CACNA1C: variants seen among roughly 807,000 people sequenced by gnomAD.
CACNA1C encodes the protein voltage-dependent L-type calcium channel subunit alpha-1C.
Under a neutral mutation model 229.0 loss-of-function variants are expected in CACNA1C, and 30 were observed. The ratio of observed to expected loss-of-function variants is 0.13; its 90% CI spans 0.10 to 0.18. CACNA1C has a LOEUF of 0.18. CACNA1C is among the 10% of genes least tolerant of loss of function. CACNA1C has a pLI of 1.00. For missense variants in CACNA1C, 1,658 were observed against 2,845.0 expected (o/e 0.58, Z 9.49); for synonymous variants, 1,114 against 1,132.5 (o/e 0.98, Z 0.33).
chr12:2,383,479 A>G (rs2098304153), intron 3 of CACNA1C, among the ~76,000 whole-genome samples: 1 of 152,164 alleles, frequency 6.6e-6, no homozygotes. Flanking sequence ...CGGTTGAGCG[A>G]GGGGTCAGCT....
intron 30 of CACNA1C, among the ~76,000 whole-genome samples, chr12:2,645,779 C>T (rs2094291682): frequency 6.6e-6 from 1 of 152,218 alleles, no homozygotes; most frequent in Non-Finnish European, 1.5e-5. Context: ...TTGTAAACAG[C>T]TCCTCATGTG....
intron 3 of CACNA1C, among the ~76,000 whole-genome samples, chr12:2,345,715 G>A (rs1339663296): frequency 2.0e-5 from 3 of 152,134 alleles, no homozygotes; most frequent in East Asian, 3.9e-4. Context: ...TCTGCAGGTT[G>A]ATCTAGGCTG....
At chr12:2,456,754 G>C (rs758230) in intron 4 of CACNA1C, among the ~76,000 whole-genome samples, 1 of 151,878 alleles carries the variant, frequency 6.6e-6, no homozygotes, top group African/African-American at 2.4e-5. Context: ...GCCCCTCCCC[G>C]CTCCTCCTCC....
In CACNA1C at chr12:2,493,159, C is replaced by T. The variant is rs1018333545; in HGVS notation, c.917-31C>T. 1 of 1,592,622 alleles carries T rather than the reference C, an allele frequency of 6.3e-7. No individual in the cohort carries two copies. The highest frequency in any genetic ancestry group is 1.7e-5 in the Admixed American group (1 of 59,828). On this transcript the variant is annotated intron_variant, in intron 6 of 46. Transcript: ENST00000399655. This position sits in a 1 kb window ranked among gnomAD's most constrained non-coding sequence, Gnocchi z 4.6. ...CCCACATCTCTCCCTCCCTGCTGCT[C>T]CCGTCTCCTGTCTTCTTCTGGCCAT...
At chr12:2,311,130 C>T (rs959460866) in intron 3 of CACNA1C, among the ~76,000 whole-genome samples, 10 of 152,176 alleles carry the variant, frequency 6.6e-5, no homozygotes, top group African/African-American at 2.4e-4. Flanking sequence ...GCTTTCCTGA[C>T]GTCAGTAGTT....
chr12:2,423,019 T>A (rs919368211), intron 3 of CACNA1C, among the ~76,000 whole-genome samples: 1 of 152,182 alleles, frequency 6.6e-6, no homozygotes, highest in African/African-American at 2.4e-5. Flanking sequence ...AATCTCGTCC[T>A]CCATCGAGGA....
At chr12:2,596,206 A>C in intron 20 of CACNA1C, 7 of 474,288 alleles carry the variant, frequency 1.5e-5, no homozygotes, top group Admixed American at 7.9e-5. Context: ...ATGTACCCAA[A>C]TGCTCAGGCT....
chr12:2,681,072 C>CA (rs2097123052), intron 42 of CACNA1C, among the ~76,000 whole-genome samples: 1 of 152,178 alleles, frequency 6.6e-6, no homozygotes, highest in African/African-American at 2.4e-5. Context: ...ACTGGGTCCC[C>CA]ATACCCCCTT....
Position 2,113,304 on chromosome 12 carries a change from C to T in CACNA1C, c.50-1920C>T, listed in dbSNP as rs546924796. ...TGCTCTTCACAGGTTCCTGTGGGGA[C>T]GGGGTGGAGGTGGGGGTGATAGGTT... On this transcript the variant is annotated intron_variant, in intron 1 of 46. Transcript: ENST00000399655. Among the ~76,000 whole-genome samples, 17 of 152,052 alleles carry T rather than the reference C, an allele frequency of 1.1e-4. No homozygotes were observed. In the East Asian group the frequency reaches 2.5e-3, roughly 22 times the overall value.
chr12:2,369,842 G>A (rs937394493), intron 3 of CACNA1C, among the ~76,000 whole-genome samples: 1 of 152,170 alleles, frequency 6.6e-6, no homozygotes, highest in Non-Finnish European at 1.5e-5. Context: ...TTATAAACAT[G>A]AAAGTAATGG....
At chr12:2,209,858 G>C (rs933042883) in intron 3 of CACNA1C, among the ~76,000 whole-genome samples, 1 of 152,126 alleles carries the variant, frequency 6.6e-6, no homozygotes, top group Non-Finnish European at 1.5e-5. Context: ...AAAATCAGAA[G>C]GTTTAAGATA....
chr12:2,583,004 C>A, intron 15 of CACNA1C, 62 bp downstream of exon 15: 2 of 1,258,528 alleles, frequency 1.6e-6, no homozygotes, highest in Non-Finnish European at 2.3e-6. Flanking sequence ...AGCACAGTGC[C>A]AAACGGGCAC....
chr12:2,207,834 AC>A (rs1381024179), intron 3 of CACNA1C, among the ~76,000 whole-genome samples: 2 of 129,734 alleles, frequency 1.5e-5, no homozygotes, highest in East Asian at 4.6e-4. Flanking sequence ...AACAAAACAA[AC>A]AAAAAAAACC....
chr12:2,610,419 G>A (rs1162406844), intron 27 of CACNA1C, 122 bp from the exon 28 acceptor site: 2 of 981,216 alleles, frequency 2.0e-6, no homozygotes, highest in Non-Finnish European at 3.0e-6. Context: ...TGATTTCTCA[G>A]ACTTCCGGAG....
intron 3 of CACNA1C, among the ~76,000 whole-genome samples, chr12:2,201,448 G>T (rs117222543): frequency 2.0e-5 from 3 of 152,148 alleles, no homozygotes; most frequent in Non-Finnish European, 4.4e-5. Flanking sequence ...CTTAGGAGTC[G>T]CATGTCCATA....
intron 1 of CACNA1C, among the ~76,000 whole-genome samples, chr12:2,076,641 C>G (rs1313479945): frequency 6.6e-6 from 1 of 152,136 alleles, no homozygotes; most frequent in African/African-American, 2.4e-5. Flanking sequence ...TCTCTAGTAC[C>G]CTGTATTTTT....
chr12:2,641,652 A>T lies in CACNA1C; in HGVS notation c.3913-6823A>T, dbSNP rs147685015. ...AAAATGAAGTGATTCCAGCACAGTC[A>T]TTCATGCTGGGTGGTAGCAACTCAG... On this transcript the variant is annotated intron_variant, in intron 30 of 46. Transcript: ENST00000399655. The T allele has an allele frequency of 3.0e-4, 212 of 697,372 alleles. 1 individual carries two copies. In the African/African-American group the frequency reaches 3.3e-3, roughly 11 times the overall value. 43.2% of individuals were successfully genotyped at this position (697,372 alleles called of 1,614,324 possible). A position where few individuals can be genotyped will look rare whatever the true frequency, so the allele number is the denominator to read the frequency against.
intron 3 of CACNA1C, among the ~76,000 whole-genome samples, chr12:2,389,237 C>T (rs1246633405): frequency 2.6e-5 from 4 of 151,990 alleles, no homozygotes; most frequent in East Asian, 3.9e-4. Flanking sequence ...AGGACAGAGG[C>T]GTGGCCTTTG....
At chr12:2,466,104 A>G (rs938334508) in intron 5 of CACNA1C, among the ~76,000 whole-genome samples, 19 of 152,090 alleles carry the variant, frequency 1.2e-4, no homozygotes, top group Non-Finnish European at 2.4e-4. Context: ...GGGATTAGTC[A>G]CCGTGAAACT....
Sources: allele counts gnomAD v4.1 joint callset (sites outside exome capture counted in the v4.1 genomes callset), GRCh38; gene constraint gnomAD v4.1.1; non-coding constraint Gnocchi (gnomAD v3.1); transcripts MANE v1.5; gene names NCBI Gene and HGNC (gene_info 2026-07-23, HGNC 2026-07-21).